Variants in INTS6L observed in about 807,000 individuals in gnomAD.
The protein encoded by INTS6L is integrator complex subunit 6-like.
A neutral mutation model predicts 64.7 loss-of-function variants in INTS6L; 18 were observed. That is an observed-to-expected ratio of 0.28 (90% CI 0.19 to 0.41). The LOEUF is 0.41. Among genes scored for constraint, INTS6L ranks in the 10% least tolerant of loss-of-function variants. INTS6L has a pLI of 1.00. For missense variants in INTS6L, 533 were observed against 661.0 expected (o/e 0.81, Z 2.12); for synonymous variants, 227 against 235.9 (o/e 0.96, Z 0.34).
rs143312165 is a variant in INTS6L, at chrX:135,573,982, G to A, written c.1661G>A (p.Arg554His). The A allele has an allele frequency of 2.4e-5, 29 of 1,202,283 alleles. No homozygotes were observed. The South Asian group carries it at 2.7e-4, about 11-fold the overall frequency. The change falls in exon 13 of 18, where the codon CGT (arginine) becomes CAT (histidine). Residue 554 changes from arginine (R) to histidine (H), a missense_variant. Transcript: ENST00000639893. ...TACAGAAATGCTTATGATATTCCCC[G>A]TAGAGGTCTTTTAGACCAGCTGACC... ...QTYRNAYDIP[R>H]RGLLDQLTRM...
rs984833755 is a variant in INTS6L at position 135,571,486 on chromosome X, T to A, written c.1398+940T>A. The A allele has an allele frequency of 8.1e-5, 9 of 111,218 alleles. No individual in the cohort carries two copies. In the Admixed American group the frequency reaches 8.6e-4, roughly 11 times the overall value. The allele number at this position is 111,218 out of a possible 1,213,427, so 9.2% of individuals were successfully genotyped here. ...CCAAAGAACCAAAGTGACTCCACAATTGGGATGCCGACACACCTTGCTAGG... is the reference window on the plus strand; with the variant it reads ...CCAAAGAACCAAAGTGACTCCACAAATGGGATGCCGACACACCTTGCTAGG... On this transcript the variant is annotated intron_variant, in intron 11 of 17. Coordinates refer to ENST00000639893, the MANE Select transcript of INTS6L (RefSeq NM_001351601.3).
intron 2 of INTS6L, among the ~76,000 whole-genome samples, chrX:135,533,378 A>T (rs2085960119): frequency 8.9e-6 from 1 of 112,083 alleles, no homozygotes; most frequent in Non-Finnish European, 1.9e-5. Context: ...GCTCATAACA[A>T]TTTTTTTGAA....
At chrX:135,529,756 A>G (rs782570294) in intron 2 of INTS6L, among the ~76,000 whole-genome samples, 1 of 112,429 alleles carries the variant, frequency 8.9e-6, no homozygotes, top group East Asian at 2.8e-4. Context: ...CTTCCTTGTA[A>G]TAATGAACAA....
rs1320166725 is a variant in INTS6L, at chrX:135,574,068, A to G, written c.1741+6A>G. On this transcript the variant is annotated splice_donor_region_variant and intron_variant, in intron 13 of 17. Coordinates refer to ENST00000639893, the MANE Select transcript of INTS6L (RefSeq NM_001351601.3). ...TATTGTTGGACAAGATGAAGGTAAA[A>G]TAACTGTGAAATACTTTTTTTTTTT... 2.5e-6 allele frequency: 3 copies of G among 1,180,773 alleles called. No individual in the cohort carries two copies. Among genetic ancestry groups the G allele is most frequent in the Non-Finnish European group, 3.4e-6 (3 of 885,413 alleles).
intron 8 of INTS6L, among the ~76,000 whole-genome samples, chrX:135,552,355 A>G (rs1461953209): frequency 2.7e-5 from 3 of 112,191 alleles, no homozygotes; most frequent in African/African-American, 9.7e-5. Flanking sequence ...CATTTAAAGC[A>G]ATAGAGTCTG....
intron 15 of INTS6L, 99 bp from the exon 16 acceptor site, chrX:135,579,689 A>T: frequency 9.3e-7 from 1 of 1,071,320 alleles, no homozygotes; most frequent in Non-Finnish European, 1.2e-6. Flanking sequence ...ATCCTGCTTT[A>T]TGAGATAATT....
chrX:135,532,826 C>T (rs181657512), intron 2 of INTS6L, among the ~76,000 whole-genome samples: 1 of 111,981 alleles, frequency 8.9e-6, no homozygotes, highest in Admixed American at 9.5e-5. Flanking sequence ...AATCCCAGCA[C>T]TTTGGGAGGC....
At chrX:135,525,069 A>G (rs1490914249) in intron 2 of INTS6L, among the ~76,000 whole-genome samples, 1 of 112,462 alleles carries the variant, frequency 8.9e-6, no homozygotes, top group Non-Finnish European at 1.9e-5. Context: ...ATGTATCCTT[A>G]TAAAACTAGT....
intron 8 of INTS6L, among the ~76,000 whole-genome samples, chrX:135,553,487 T>C (rs1266481081): frequency 4.9e-5 from 5 of 102,880 alleles, no homozygotes; most frequent in Admixed American, 2.1e-4. Flanking sequence ...TTAAATTTTT[T>C]TTTTTTTTTT....
chrX:135,552,061 A>G lies in INTS6L; in HGVS notation c.974A>G (p.Lys325Arg), dbSNP rs1328966982. 1 of 1,207,806 alleles carries G rather than the reference A, an allele frequency of 8.3e-7. No homozygotes were observed. Among genetic ancestry groups the G allele is most frequent in the Non-Finnish European group, 1.1e-6 (1 of 894,480 alleles). ...CVDCEPMVID[K>R]LPFDKYELEP... ...GATTGTGAGCCAATGGTAATAGACA[A>G]ACTTCCTTTTGACAAATATGAACTT... is the stretch of plus-strand genomic sequence containing the variant. Residue 325 changes from lysine to arginine, a missense_variant, in exon 8 of 18, where the codon AAA becomes AGA. Lys to Arg is a conservative substitution (Grantham distance 26, BLOSUM62 2). Transcript: ENST00000639893.
intron 2 of INTS6L, among the ~76,000 whole-genome samples, chrX:135,539,151 T>C (rs2086129520): frequency 8.9e-6 from 1 of 112,497 alleles, no homozygotes; most frequent in East Asian, 2.8e-4. Flanking sequence ...TTTCAAATTA[T>C]GAAAGTCCTA....
intron 2 of INTS6L, among the ~76,000 whole-genome samples, chrX:135,537,935 G>A (rs1280047452): frequency 1.8e-5 from 2 of 111,939 alleles, no homozygotes; most frequent in East Asian, 5.6e-4. Flanking sequence ...AAAATACTTT[G>A]TTGCTAAAAA....
intron 2 of INTS6L, among the ~76,000 whole-genome samples, chrX:135,526,774 A>T (rs1489934009): frequency 9.0e-6 from 1 of 111,496 alleles, no homozygotes; most frequent in African/African-American, 3.3e-5. Flanking sequence ...GGGTGTTTAG[A>T]TTTTAATATG....
At chrX:135,538,131 A>T (rs782066003) in intron 2 of INTS6L, among the ~76,000 whole-genome samples, 38 of 112,425 alleles carry the variant, frequency 3.4e-4, no homozygotes, top group Non-Finnish European at 6.0e-4. Context: ...TCCTTTCAGG[A>T]AAGTTTTCTC....
chrX:135,529,224 A>G (rs2085836677), intron 2 of INTS6L, among the ~76,000 whole-genome samples: 1 of 112,354 alleles, frequency 8.9e-6, no homozygotes. Context: ...TTACATAGCT[A>G]CTTTGCCCAA....
chrX:135,578,392 C>T (rs2087286658), intron 15 of INTS6L, among the ~76,000 whole-genome samples: 1 of 112,253 alleles, frequency 8.9e-6, no homozygotes, highest in Admixed American at 9.4e-5. Context: ...CAGATAATGA[C>T]ACCATCCAGA....
chrX:135,521,341 G>A (rs782530247), intron 2 of INTS6L, 23 bp downstream of exon 2: 11 of 1,178,426 alleles, frequency 9.3e-6, no homozygotes, highest in Admixed American at 2.4e-5. Context: ...CGGGTGGGGG[G>A]ACAGGCGGGA....
chrX:135,548,313 A>G (rs1472575347), intron 6 of INTS6L, among the ~76,000 whole-genome samples: 2 of 110,836 alleles, frequency 1.8e-5, no homozygotes, highest in African/African-American at 6.6e-5. Context: ...CCCTATAAAT[A>G]CAGACATAAG....
At chrX:135,523,266 G>A (rs1295652703) in intron 2 of INTS6L, among the ~76,000 whole-genome samples, 1 of 109,616 alleles carries the variant, frequency 9.1e-6, no homozygotes, top group Non-Finnish European at 1.9e-5. Context: ...GCCGGATGTG[G>A]TGGCGGGCGC....
Sources: gnomAD v4.1 joint callset for allele counts (sites outside exome capture counted in the v4.1 genomes callset) on GRCh38, gnomAD v4.1.1 for gene constraint, MANE v1.5 for transcripts, NCBI Gene and HGNC (gene_info 2026-07-23, HGNC 2026-07-21) for gene names.